PARD3: variants seen among roughly 807,000 people sequenced by gnomAD.
PARD3 encodes partitioning defective 3 homolog.
Under a neutral mutation model 155.4 loss-of-function variants are expected in PARD3, and 75 were observed. The ratio of observed to expected loss-of-function variants is 0.48; its 90% CI spans 0.40 to 0.58. PARD3 has a LOEUF of 0.58. Among genes scored for constraint, PARD3 ranks in the 20% least tolerant of loss-of-function variants. The pLI, the probability that PARD3 is intolerant of heterozygous loss-of-function variation, is 0.00. For synonymous variants in PARD3, 576 were observed against 610.5 expected (o/e 0.94, Z 0.83); for missense variants, 1,642 against 1,721.7 (o/e 0.95, Z 0.82).
chr10:34,132,109 A>G (rs1383526996), intron 22 of PARD3, among the ~76,000 whole-genome samples: 2 of 152,200 alleles, frequency 1.3e-5, no homozygotes, highest in Non-Finnish European at 2.9e-5. Flanking sequence ...TCATAATACG[A>G]GGTTCCTATT....
At chr10:34,227,784 G>A (rs1199207377) in intron 22 of PARD3, among the ~76,000 whole-genome samples, 1 of 146,444 alleles carries the variant, frequency 6.8e-6, no homozygotes, top group African/African-American at 2.5e-5. Flanking sequence ...AAAGAACTTA[G>A]AGCTACCATT....
chr10:34,163,935 G>A (rs555668311), intron 22 of PARD3, among the ~76,000 whole-genome samples: 77 of 152,274 alleles, frequency 5.1e-4, no homozygotes, highest in African/African-American at 1.8e-3. Flanking sequence ...GAGGGAATGA[G>A]GTAACAAGGA....
chr10:34,119,241 T>G lies in PARD3; in HGVS notation c.3668+372A>C, dbSNP rs1588830929. The stretch of plus-strand genomic sequence containing the variant: ...GGAGCTCTGGATTTATGAAGTATCA[T>G]TTATTCTAATAACCATATGTGCTAA... On this transcript the variant is annotated intron_variant, in intron 24 of 24. Coordinates refer to ENST00000374788, the MANE Select transcript of PARD3 (RefSeq NM_001184785.2). Among the ~76,000 whole-genome samples the G allele has an allele frequency of 2.6e-5, 4 of 152,330 alleles. No homozygotes were observed. In the East Asian group the frequency reaches 7.7e-4, roughly 29 times the overall value.
At chr10:34,729,763 A>G (rs1485296993) in intron 1 of PARD3, among the ~76,000 whole-genome samples, 2 of 152,200 alleles carry the variant, frequency 1.3e-5, no homozygotes, top group Non-Finnish European at 2.9e-5. Context: ...TTATGCAGCG[A>G]GCAGTCTCCT....
At chr10:34,577,097 T>C (rs1460896541) in intron 2 of PARD3, among the ~76,000 whole-genome samples, 2 of 152,174 alleles carry the variant, frequency 1.3e-5, no homozygotes, top group African/African-American at 2.4e-5. Flanking sequence ...TGAATACTAA[T>C]GACTAGGCAA....
intron 1 of PARD3, among the ~76,000 whole-genome samples, chr10:34,762,897 T>C (rs527503111): frequency 9.8e-5 from 15 of 152,374 alleles, no homozygotes; most frequent in Admixed American, 9.8e-4. Context: ...ACACCTGGTA[T>C]GTTTTAAGAA....
At chr10:34,581,123 T>A (rs2087411922) in intron 2 of PARD3, among the ~76,000 whole-genome samples, 1 of 152,132 alleles carries the variant, frequency 6.6e-6, no homozygotes, top group Non-Finnish European at 1.5e-5. Context: ...TAAAAGCTCA[T>A]AATTATTGCA....
rs3039283 is a variant in PARD3, at chr10:34,233,017, A to ATTTTTTTTTTTTTTT, written c.3419+36625_3419+36639dup. Among the ~76,000 whole-genome samples the ATTTTTTTTTTTTTTT allele has an allele frequency of 4.8e-4, 46 of 96,168 alleles. 4 individuals carry two copies. Among genetic ancestry groups the ATTTTTTTTTTTTTTT allele is most frequent in the African/African-American group, 6.2e-4 (14 of 22,732 alleles). 63.1% of individuals were successfully genotyped at this position (96,168 alleles called of 152,430 possible). On this transcript the variant is annotated intron_variant, in intron 22 of 24. Coordinates refer to ENST00000374788, the MANE Select transcript of PARD3 (RefSeq NM_001184785.2). ...GTGCCCGGCCCATCCTCAAATGTTA[A>ATTTTTTTTTTTTTTT]TTTTTTTTTTTTTTTTTTTTTTGCC...
chr10:34,664,706 G>A (rs12242228), intron 2 of PARD3, among the ~76,000 whole-genome samples: 1 of 151,934 alleles, frequency 6.6e-6, no homozygotes, highest in African/African-American at 2.4e-5. Context: ...GGCTGGTCTC[G>A]AACTCCTGAC....
chr10:34,264,186 T>G (rs1955176813), intron 22 of PARD3, among the ~76,000 whole-genome samples: 1 of 152,224 alleles, frequency 6.6e-6, no homozygotes, highest in African/African-American at 2.4e-5. Context: ...TTGTACAAGA[T>G]ATCCAACACT....
At chr10:34,203,425 CT>C (rs1362940829) in intron 22 of PARD3, among the ~76,000 whole-genome samples, 2 of 152,210 alleles carry the variant, frequency 1.3e-5, no homozygotes, top group Admixed American at 6.5e-5. Context: ...ACAGTTGTCT[CT>C]TGGTATCTAC....
chr10:34,760,441 T>C (rs1837306257), intron 1 of PARD3, among the ~76,000 whole-genome samples: 1 of 152,170 alleles, frequency 6.6e-6, no homozygotes, highest in Non-Finnish European at 1.5e-5. Context: ...AAGTGATTCT[T>C]GTGCCTCAGC....
At chr10:34,420,163 A>G (rs112169875) in intron 5 of PARD3, among the ~76,000 whole-genome samples, 5 of 152,316 alleles carry the variant, frequency 3.3e-5, no homozygotes, top group African/African-American at 1.2e-4. Context: ...TATATTGCCC[A>G]GGCTAAATCA....
intron 14 of PARD3, among the ~76,000 whole-genome samples, chr10:34,353,175 T>TG (rs1248656819): frequency 9.2e-5 from 14 of 151,544 alleles, no homozygotes; most frequent in Non-Finnish European, 1.3e-4. Context: ...GGGAGGGAGG[T>TG]GGGGGGCGCG....
At chr10:34,495,413 C>T (rs547366031) in intron 3 of PARD3, among the ~76,000 whole-genome samples, 1 of 152,256 alleles carries the variant, frequency 6.6e-6, no homozygotes, top group African/African-American at 2.4e-5. Context: ...TTTATTGGTA[C>T]CCTTGGAAAG....
intron 2 of PARD3, among the ~76,000 whole-genome samples, chr10:34,595,724 G>T (rs2089189315): frequency 1.3e-5 from 2 of 151,936 alleles, no homozygotes; most frequent in South Asian, 4.2e-4. Context: ...TTTTCACTTA[G>T]TTATTTCAAA....
intron 2 of PARD3, among the ~76,000 whole-genome samples, chr10:34,596,863 C>T (rs1033598283): frequency 2.0e-5 from 3 of 152,122 alleles, no homozygotes; most frequent in Non-Finnish European, 4.4e-5. Flanking sequence ...TCTTAAATAA[C>T]TCTCAAGAGG....
At chr10:34,124,225 C>T (rs1588851079) in intron 23 of PARD3, among the ~76,000 whole-genome samples, 1 of 152,178 alleles carries the variant, frequency 6.6e-6, no homozygotes, top group Non-Finnish European at 1.5e-5. Context: ...ACAAAACATT[C>T]AGGCACTTTG....
At chr10:34,210,342 G>A (rs976885531) in intron 22 of PARD3, among the ~76,000 whole-genome samples, 1 of 152,134 alleles carries the variant, frequency 6.6e-6, no homozygotes, top group Non-Finnish European at 1.5e-5. Context: ...TCCATGACAT[G>A]TTAACATAAA....
Sources: allele counts gnomAD v4.1 joint callset (sites outside exome capture counted in the v4.1 genomes callset), GRCh38; gene constraint gnomAD v4.1.1; transcripts MANE v1.5; gene names NCBI Gene and HGNC (gene_info 2026-07-23, HGNC 2026-07-21).